Variants in IGFL2 observed in about 807,000 individuals in gnomAD.
IGFL2 encodes the protein IGF like family member 2, also known as insulin growth factor-like family member 2.
Under a neutral mutation model 13.9 loss-of-function variants are expected in IGFL2, and 7 were observed. The ratio of observed to expected loss-of-function variants is 0.51; its 90% CI spans 0.29 to 0.95. The LOEUF (loss-of-function observed/expected upper bound fraction) is 0.95, where lower values mean the gene tolerates loss of function less well. Among genes scored for constraint, IGFL2 ranks in the 40% least tolerant of loss-of-function variants. IGFL2 has a pLI of 0.08. For missense variants in IGFL2, 138 were observed against 147.8 expected (o/e 0.93, Z 0.34); for synonymous variants, 55 against 55.8 (o/e 0.99, Z 0.07).
chr19:46,206,905 C>G, the IGFL2 span: 1 of 152,188 alleles, frequency 6.6e-6, no homozygotes, highest in Non-Finnish European at 1.5e-5. Flanking sequence ...CTGCAGGACT[C>G]TGGAAATTGC....
At chr19:46,186,347 C>G in the IGFL2 span, among the ~76,000 whole-genome samples, 76 of 152,324 alleles carry the variant, frequency 5.0e-4, no homozygotes, top group East Asian at 0.013. Flanking sequence ...AGGGTTTTCT[C>G]TGGCGCTCCG....
chr19:46,177,257 G>T, the IGFL2 span, among the ~76,000 whole-genome samples: 2 of 152,180 alleles, frequency 1.3e-5, no homozygotes, highest in Non-Finnish European at 2.9e-5. Flanking sequence ...TAGCGGTGTG[G>T]TGGTGGGCAC....
chr19:46,127,480 G>A, the IGFL2 span, among the ~76,000 whole-genome samples: 124 of 152,282 alleles, frequency 8.1e-4, 2 homozygotes, highest in Middle Eastern at 0.017. Context: ...TTTTCTTGAA[G>A]GAAGAAATAA....
downstream of IGFL2, among the ~76,000 whole-genome samples, chr19:46,165,200 T>C (rs1974340728): frequency 6.6e-6 from 1 of 152,196 alleles, no homozygotes; most frequent in Non-Finnish European, 1.5e-5. Flanking sequence ...CCTTGTAAAT[T>C]TGACGTAGCC....
chr19:46,082,839 A>G, the IGFL2 span, among the ~76,000 whole-genome samples: 1 of 152,118 alleles, frequency 6.6e-6, no homozygotes, highest in Non-Finnish European at 1.5e-5. Context: ...GCTCTCCTTG[A>G]CAAACTGCAT....
At chr19:46,151,199 A>C (rs1261304335) in intron 1 of IGFL2, among the ~76,000 whole-genome samples, 1 of 151,976 alleles carries the variant, frequency 6.6e-6, no homozygotes, top group African/African-American at 2.4e-5. Context: ...CTTATTTTAC[A>C]TTTCTGCTAA....
At chr19:46,125,547 T>C in the IGFL2 span, among the ~76,000 whole-genome samples, 1 of 152,230 alleles carries the variant, frequency 6.6e-6, no homozygotes, top group East Asian at 1.9e-4. Context: ...GATGATTCAA[T>C]CAGAAAATGT....
the IGFL2 span, among the ~76,000 whole-genome samples, chr19:46,182,135 G>A: frequency 6.6e-6 from 1 of 152,038 alleles, no homozygotes; most frequent in Admixed American, 6.6e-5. Flanking sequence ...TTGAGAGGCC[G>A]AGGTGGGCAG....
chr19:46,088,295 A>T, the IGFL2 span, among the ~76,000 whole-genome samples: 1 of 152,204 alleles, frequency 6.6e-6, no homozygotes, highest in African/African-American at 2.4e-5. Flanking sequence ...TCTTTCCTTT[A>T]TTCTGTGTCT....
At chr19:46,114,552 C>T in the IGFL2 span, among the ~76,000 whole-genome samples, 45 of 152,148 alleles carry the variant, frequency 3.0e-4, no homozygotes, top group Non-Finnish European at 5.4e-4. Flanking sequence ...AATTACCCCA[C>T]ATGTTAGGGA....
At chr19:46,199,463 C>T in the IGFL2 span, among the ~76,000 whole-genome samples, 4 of 152,182 alleles carry the variant, frequency 2.6e-5, no homozygotes, top group Non-Finnish European at 4.4e-5. Context: ...CATTGGACAG[C>T]TCTGTGTGCA....
At chr19:46,192,332 C>G in the IGFL2 span, among the ~76,000 whole-genome samples, 1 of 152,088 alleles carries the variant, frequency 6.6e-6, no homozygotes, top group Non-Finnish European at 1.5e-5. Context: ...ATGAAGAATG[C>G]TCGATGCTCA....
downstream of IGFL2, among the ~76,000 whole-genome samples, chr19:46,161,727 C>G (rs1221836393): frequency 6.6e-6 from 1 of 152,166 alleles, no homozygotes; most frequent in Non-Finnish European, 1.5e-5. Context: ...GTGAGATGGG[C>G]TTCTTGAAGA....
chr19:46,202,463 G>A, the IGFL2 span: 2 of 152,070 alleles, frequency 1.3e-5, no homozygotes, highest in Admixed American at 6.6e-5. Flanking sequence ...AGGGTGGAAG[G>A]TTGCCCATAG....
the IGFL2 span, chr19:46,113,966 G>A: frequency 2.6e-5 from 4 of 152,540 alleles, no homozygotes; most frequent in Admixed American, 2.6e-4. Context: ...TATAAAAACA[G>A]AACTCTGACC....
the IGFL2 span, among the ~76,000 whole-genome samples, chr19:46,091,036 C>T: frequency 6.6e-6 from 1 of 152,154 alleles, no homozygotes; most frequent in Non-Finnish European, 1.5e-5. Flanking sequence ...GTTCTTCCTA[C>T]TCTCTTCAAT....
the IGFL2 span, among the ~76,000 whole-genome samples, chr19:46,199,310 C>T: frequency 1.3e-5 from 2 of 152,326 alleles, no homozygotes; most frequent in African/African-American, 4.8e-5. Context: ...GAAAAACAAC[C>T]TCCTTTCACC....
chr19:46,211,846 T>G, the IGFL2 span, among the ~76,000 whole-genome samples: 4 of 152,182 alleles, frequency 2.6e-5, no homozygotes, highest in East Asian at 7.8e-4. Context: ...GCTGGCAGAT[T>G]TTGGTTCCTG....
At chr19:46,181,183 T>G in the IGFL2 span, 1 of 144,722 alleles carries the variant, frequency 6.9e-6, no homozygotes, top group Non-Finnish European at 1.5e-5. Context: ...TGGTTGTGTG[T>G]TGTGTGTTTT....
Sources: gnomAD v4.1 joint callset for allele counts (sites outside exome capture counted in the v4.1 genomes callset) on GRCh38, gnomAD v4.1.1 for gene constraint, MANE v1.5 for transcripts, NCBI Gene and HGNC (gene_info 2026-07-23, HGNC 2026-07-21) for gene names.